PIAS1: variants seen among roughly 807,000 people sequenced by gnomAD.
PIAS1 encodes the protein E3 SUMO-protein ligase PIAS1.
Under a neutral mutation model 71.3 loss-of-function variants are expected in PIAS1, and 6 were observed. The ratio of observed to expected loss-of-function variants is 0.08; its 90% confidence interval spans 0.05 to 0.17. The LOEUF is 0.17. Ranked by LOEUF, PIAS1 falls within the 10% of genes least tolerant of loss-of-function variation. PIAS1 has a pLI of 1.00. For synonymous variants in PIAS1, 303 were observed against 292.9 expected, an observed-to-expected ratio of 1.03 and a Z score of -0.35; for missense variants, 555 against 793.6, an observed-to-expected ratio of 0.70 and a Z score of 3.61.
Position 68,188,960 on chromosome 15 carries a change from A to G in PIAS1, c.*1125A>G, listed in dbSNP as rs530109759. On this transcript the variant is annotated 3_prime_UTR_variant, in exon 14 of 14. Transcript: ENST00000249636. ...TTGTTTGGAAAGTACAATGCACCAC[A>G]TTTTTGTAGAAGTCTACTATTTGAT... 6.6e-6 allele frequency: 1 copy of G among 152,348 alleles called. No homozygotes were observed. The allele number at this position is 152,348 out of a possible 1,614,324, so 9.4% of individuals were successfully genotyped here.
intron 2 of PIAS1, among the ~76,000 whole-genome samples, chr15:68,113,588 G>A (rs1230675930): frequency 6.6e-6 from 1 of 152,038 alleles, no homozygotes; most frequent in African/African-American, 2.4e-5. Context: ...TGAGCTGCTT[G>A]GGAGTCTTTA....
At chr15:68,084,078 C>A (rs1318370630) in intron 1 of PIAS1, among the ~76,000 whole-genome samples, 1 of 152,098 alleles carries the variant, frequency 6.6e-6, no homozygotes, top group Non-Finnish European at 1.5e-5. Context: ...ACATATTCTT[C>A]TACAAAAATA....
rs1356507406 is a variant in PIAS1 at position 68,188,443 on chromosome 15, G to A, written c.*608G>A. The A allele has an allele frequency of 6.6e-6, 1 of 152,468 alleles. No homozygotes were observed. Among genetic ancestry groups the A allele is most frequent in the Non-Finnish European group, 1.5e-5 (1 of 68,294 alleles). The allele number at this position is 152,468 out of a possible 1,614,324, so 9.4% of individuals were successfully genotyped here. A position where few individuals can be genotyped will look rare whatever the true frequency, so the allele number is the denominator to read the frequency against. ...GTGTGTGTGTTCATTGTGTGCGTCTGTATGTATTTTTCTGTCATCACTGTT... is the reference window on the plus strand; with the variant it reads ...GTGTGTGTGTTCATTGTGTGCGTCTATATGTATTTTTCTGTCATCACTGTT... On this transcript the variant is annotated 3_prime_UTR_variant, in exon 14 of 14. Transcript: ENST00000249636.
intron 11 of PIAS1, among the ~76,000 whole-genome samples, chr15:68,179,561 GTTCTTT>G (rs2093039840): frequency 1.3e-4 from 4 of 30,190 alleles, no homozygotes; most frequent in African/African-American, 2.1e-4. Context: ...CTCGTGAAAT[GTTCTTT>G]TTTTTTTTTT....
intron 1 of PIAS1, among the ~76,000 whole-genome samples, chr15:68,063,631 C>T (rs895632693): frequency 3.3e-5 from 5 of 152,040 alleles, no homozygotes; most frequent in South Asian, 2.1e-4. Flanking sequence ...TCTGTTATAG[C>T]GGAATGTTTA....
chr15:68,055,711 A>G, intron 1 of PIAS1: 1 of 480,262 alleles, frequency 2.1e-6, no homozygotes, highest in South Asian at 4.0e-5. Context: ...GGGATATACA[A>G]TTGTAAATCT....
intron 6 of PIAS1, among the ~76,000 whole-genome samples, chr15:68,152,387 TA>T: frequency 6.6e-6 from 1 of 152,202 alleles, no homozygotes; most frequent in African/African-American, 2.4e-5. Flanking sequence ...GAACTTTAAA[TA>T]AAAATATGAC....
At position 68,086,861 on chromosome 15, in the gene PIAS1, A is replaced by G. The variant is rs953347136; in HGVS notation, c.469+111A>G. On this transcript the variant is annotated intron_variant, in intron 2 of 13. Transcript: ENST00000249636. The surrounding 1 kb of genome is among the most constrained non-coding windows in gnomAD (Gnocchi z 7.2). Reference sequence around the variant, plus strand: ...ATAATGAAATTTTCATTTGATAGTAACAGCTGGATAATAATGAAGATCTTT... The same window carrying G: ...ATAATGAAATTTTCATTTGATAGTAGCAGCTGGATAATAATGAAGATCTTT... 4 of 615,718 alleles carry G rather than the reference A, an allele frequency of 6.5e-6. No individual in the cohort carries two copies. Among genetic ancestry groups the G allele is most frequent in the Non-Finnish European group, 1.1e-5 (4 of 351,086 alleles). 38.1% of individuals were successfully genotyped at this position (615,718 alleles called of 1,614,324 possible).
chr15:68,139,447 A>G (rs2092755140), intron 2 of PIAS1, among the ~76,000 whole-genome samples: 2 of 152,246 alleles, frequency 1.3e-5, no homozygotes, highest in South Asian at 4.1e-4. Flanking sequence ...AAGTACTTGT[A>G]CATACTATAT....
intron 2 of PIAS1, among the ~76,000 whole-genome samples, chr15:68,095,075 T>C (rs1244064804): frequency 1.3e-5 from 2 of 152,166 alleles, no homozygotes; most frequent in Non-Finnish European, 2.9e-5. Context: ...TCTTAACCAT[T>C]AGAATCAGTG....
In PIAS1 at chr15:68,171,774, G is replaced by A. The variant is rs1221419543; in HGVS notation, c.1009-1958G>A. The stretch of plus-strand genomic sequence containing the variant: ...ATCGGTATCAAAGCAATTATTTTGG[G>A]CCCCAAATGACAGTTAATTTCCTGG... On this transcript the variant is annotated intron_variant, in intron 8 of 13. Coordinates refer to ENST00000249636, the MANE Select transcript of PIAS1 (RefSeq NM_016166.3). This position sits in a 1 kb window ranked among gnomAD's most constrained non-coding sequence, Gnocchi z 4.4. Among the ~76,000 whole-genome samples, 2 of 152,140 alleles carry A rather than the reference G, an allele frequency of 1.3e-5. No homozygotes were observed. The highest frequency in any genetic ancestry group is 3.9e-4 in the East Asian group (2 of 5,180).
intron 6 of PIAS1, among the ~76,000 whole-genome samples, chr15:68,151,702 ACACAC>A (rs1567065573): frequency 9.9e-5 from 10 of 100,732 alleles, no homozygotes; most frequent in African/African-American, 3.8e-4. Flanking sequence ...ACACACACAC[ACACAC>A]AAATTAGCTA....
chr15:68,093,689 G>A (rs957761087), intron 2 of PIAS1, among the ~76,000 whole-genome samples: 9 of 152,164 alleles, frequency 5.9e-5, no homozygotes, highest in Non-Finnish European at 8.8e-5. Flanking sequence ...GGTTATAATG[G>A]GGGGAAGGAT....
Position 68,164,790 on chromosome 15 carries a change from T to G in PIAS1, c.994T>G (p.Ser332Ala). 1 of 1,586,840 alleles carries G rather than the reference T, an allele frequency of 6.3e-7. No individual in the cohort carries two copies. The highest frequency in any genetic ancestry group is 8.6e-7 in the Non-Finnish European group (1 of 1,160,144). ...AATAGCTACAACCAGCCTAAGGGTT[T>G]CTCTACTATGTCCAGTAAGTGTTAA... is the stretch of plus-strand genomic sequence containing the variant. ...SEIATTSLRV[S>A]LLCPLGKMRL... is the part of the protein sequence containing the mutation. The change falls in exon 8 of 14, where the codon TCT becomes GCT. Residue 332 changes from serine to alanine, a missense_variant. Coordinates refer to ENST00000249636, the MANE Select transcript of PIAS1 (RefSeq NM_016166.3).
chr15:68,131,437 A>G (rs1405779663), intron 2 of PIAS1, among the ~76,000 whole-genome samples: 2 of 152,060 alleles, frequency 1.3e-5, no homozygotes, highest in African/African-American at 2.4e-5. Flanking sequence ...CAATTTTAAA[A>G]TGTTACTAGC....
At chr15:68,144,679 G>T (rs987368347) in intron 4 of PIAS1, among the ~76,000 whole-genome samples, 31 of 152,096 alleles carry the variant, frequency 2.0e-4, no homozygotes, top group African/African-American at 7.2e-4. Flanking sequence ...GAGTGGTCCT[G>T]TGAGCTTTGA....
intron 2 of PIAS1, chr15:68,087,877 C>A: frequency 3.2e-6 from 1 of 316,936 alleles, no homozygotes; most frequent in Non-Finnish European, 6.6e-6. Flanking sequence ...TTATAGGAGT[C>A]ATTTTCAAAC....
chr15:68,081,577 A>G (rs759046048), intron 1 of PIAS1, among the ~76,000 whole-genome samples: 6 of 152,208 alleles, frequency 3.9e-5, no homozygotes, highest in Non-Finnish European at 8.8e-5. Context: ...AAATAACAAA[A>G]TGTAGAGGAA....
At position 68,190,735 on chromosome 15, in the gene PIAS1, CGTGA is replaced by C. The variant is rs1187022509; in HGVS notation, c.*2904_*2907del. ...GGGTTAAAGTGGCTTTTAATTACTT[CGTGA>C]GTGTTATTGGATACATCTTAAAAAA... On this transcript the variant is annotated 3_prime_UTR_variant, in exon 14 of 14. Coordinates refer to ENST00000249636, the MANE Select transcript of PIAS1 (RefSeq NM_016166.3). The surrounding 1 kb of genome is among the most constrained non-coding windows in gnomAD (Gnocchi z 4.7). The C allele has an allele frequency of 6.6e-6, 1 of 151,554 alleles. No homozygotes were observed. The highest frequency in any genetic ancestry group is 2.1e-4 in the South Asian group (1 of 4,804). 9.4% of individuals were successfully genotyped at this position (151,554 alleles called of 1,614,324 possible). A position where few individuals can be genotyped will look rare whatever the true frequency, so the allele number is the denominator to read the frequency against.
Sources: gnomAD v4.1 joint callset for allele counts (sites outside exome capture counted in the v4.1 genomes callset) on GRCh38, gnomAD v4.1.1 for gene constraint, Gnocchi (gnomAD v3.1) non-coding constraint, MANE v1.5 for transcripts, NCBI Gene and HGNC (gene_info 2026-07-23, HGNC 2026-07-21) for gene names.